EYS: variants seen among roughly 807,000 people sequenced by gnomAD.
EYS encodes EGF-like photoreceptor maintenance factor, also known as protein eyes shut homolog.
EYS carries 250 observed loss-of-function variants against 282.1 expected under a neutral mutation model. The ratio of observed to expected loss-of-function variants is 0.89; its 90% CI spans 0.80 to 0.98. EYS has a LOEUF of 0.98. Ranked by LOEUF, EYS falls within the 50% of genes least tolerant of loss-of-function variation. EYS has a pLI of 0.00. For missense variants in EYS, 4,016 were observed against 3,709.0 expected (o/e 1.08, Z -2.15); for synonymous variants, 1,355 against 1,282.9 (o/e 1.06, Z -1.20).
intron 1 of EYS, among the ~76,000 whole-genome samples, chr6:65,701,653 T>C (rs1324214224): frequency 6.6e-6 from 1 of 152,208 alleles, no homozygotes; most frequent in Non-Finnish European, 1.5e-5. Flanking sequence ...TATTATTTTC[T>C]TCCTTATTTA....
At chr6:63,727,727 A>ATATATATATATATATATAT (rs1253035778) in intron 41 of EYS, among the ~76,000 whole-genome samples, 1 of 61,676 alleles carries the variant, frequency 1.6e-5, no homozygotes, top group African/African-American at 1.3e-4. Context: ...AAAAAAAAAA[A>ATATATATATATATATATAT]AAAAAAAAAA....
chr6:64,387,208 A>G (rs184494649), intron 29 of EYS, among the ~76,000 whole-genome samples: 28 of 152,244 alleles, frequency 1.8e-4, no homozygotes, highest in Middle Eastern at 3.4e-3. Context: ...GTCTACAATG[A>G]CAGCCTACAT....
intron 7 of EYS, among the ~76,000 whole-genome samples, chr6:65,389,459 T>G (rs892985039): frequency 1.3e-5 from 2 of 152,132 alleles, no homozygotes; most frequent in Non-Finnish European, 2.9e-5. Context: ...AAATATTAGC[T>G]TTTTTGATGA....
At chr6:64,330,709 T>C (rs1456109540) in intron 29 of EYS, among the ~76,000 whole-genome samples, 1 of 152,194 alleles carries the variant, frequency 6.6e-6, no homozygotes, top group Admixed American at 6.5e-5. Context: ...GGACAAAGGT[T>C]AATAATTTGC....
intron 35 of EYS, among the ~76,000 whole-genome samples, chr6:63,915,769 A>G (rs572529391): frequency 1.4e-4 from 21 of 152,318 alleles, no homozygotes; most frequent in African/African-American, 4.8e-4. Context: ...CAGTGGAGGA[A>G]GTAATTGCAG....
chr6:65,608,438 T>G (rs1415725412), intron 2 of EYS, among the ~76,000 whole-genome samples: 2 of 152,040 alleles, frequency 1.3e-5, no homozygotes, highest in Non-Finnish European at 2.9e-5. Context: ...TGTGGAGGCC[T>G]AGGATGTTAC....
intron 12 of EYS, among the ~76,000 whole-genome samples, chr6:65,260,576 G>A (rs1358769921): frequency 6.6e-6 from 1 of 151,694 alleles, no homozygotes; most frequent in East Asian, 1.9e-4. Flanking sequence ...CATTATCACT[G>A]CCTCTTGTAG....
chr6:65,435,876 G>A lies in EYS; in HGVS notation c.863-30509C>T, dbSNP rs148171983. Among the ~76,000 whole-genome samples the A allele has an allele frequency of 7.0e-3, 1,058 of 152,226 alleles. 8 individuals are homozygous for A. The highest frequency in any genetic ancestry group is 9.7e-3 in the Non-Finnish European group (663 of 68,010). On this transcript the variant is annotated intron_variant, in intron 5 of 42. Transcript: ENST00000503581. ...TTAGGACATAGAGGCACAGAGGGAA[G>A]ACCATGTGAGGACACAAGATGGCCA...
intron 15 of EYS, among the ~76,000 whole-genome samples, chr6:64,942,632 T>C (rs1341391122): frequency 6.6e-6 from 1 of 151,590 alleles, no homozygotes; most frequent in African/African-American, 2.4e-5. Context: ...AATGGGTAAA[T>C]ACCTGGTAAC....
chr6:63,981,883 C>A (rs1047568687), intron 35 of EYS, among the ~76,000 whole-genome samples: 13 of 151,756 alleles, frequency 8.6e-5, no homozygotes, highest in African/African-American at 2.7e-4. Flanking sequence ...TTTACAATTA[C>A]CTTGGCTCTT....
chr6:65,208,740 C>A (rs1766098396), intron 12 of EYS, among the ~76,000 whole-genome samples: 1 of 134,988 alleles, frequency 7.4e-6, no homozygotes. Flanking sequence ...TGAGTGGGAG[C>A]TAAACAATGG....
chr6:64,252,667 C>T (rs1055295750), intron 30 of EYS, among the ~76,000 whole-genome samples: 2 of 152,176 alleles, frequency 1.3e-5, no homozygotes, highest in African/African-American at 2.4e-5. Context: ...ACTTGCTCTT[C>T]TCTGCTTTGT....
At chr6:64,850,588 A>T (rs1012180367) in intron 19 of EYS, among the ~76,000 whole-genome samples, 3 of 152,110 alleles carry the variant, frequency 2.0e-5, no homozygotes, top group Non-Finnish European at 4.4e-5. Context: ...ACTGAAAATT[A>T]TTCAAAAAGT....
At chr6:64,656,985 G>A (rs1264006978) in intron 22 of EYS, among the ~76,000 whole-genome samples, 1 of 152,282 alleles carries the variant, frequency 6.6e-6, no homozygotes, top group East Asian at 1.9e-4. Flanking sequence ...TTGTGTGGGA[G>A]TCTAAGTCTC....
intron 22 of EYS, 90 bp from the exon 23 acceptor site, chr6:64,626,335 T>A: frequency 6.9e-7 from 1 of 1,441,396 alleles, no homozygotes; most frequent in Non-Finnish European, 9.1e-7. Flanking sequence ...TTCAAACGTG[T>A]TTTCAGAGCT....
intron 25 of EYS, among the ~76,000 whole-genome samples, chr6:64,592,663 C>A (rs73455456): frequency 1.6e-3 from 249 of 152,074 alleles, no homozygotes; most frequent in African/African-American, 5.8e-3. Context: ...AAGAATTGGA[C>A]ATGTAAAAAA....
intron 7 of EYS, among the ~76,000 whole-genome samples, chr6:65,393,685 A>G (rs980950826): frequency 6.6e-6 from 1 of 151,996 alleles, no homozygotes; most frequent in Non-Finnish European, 1.5e-5. Flanking sequence ...GAAAACCTTA[A>G]CTTTACCCAT....
chr6:65,611,035 G>A (rs1765980825), intron 2 of EYS, among the ~76,000 whole-genome samples: 3 of 151,832 alleles, frequency 2.0e-5, no homozygotes, highest in Admixed American at 2.0e-4. Context: ...ATGCTTAAAT[G>A]GCCTGTTGAC....
chr6:65,357,206 T>C (rs1764519435), intron 8 of EYS, among the ~76,000 whole-genome samples: 1 of 152,014 alleles, frequency 6.6e-6, no homozygotes, highest in South Asian at 2.1e-4. Context: ...TCTTTTTGTA[T>C]ATTTACAAAA....
Sources: gnomAD v4.1 joint callset for allele counts (sites outside exome capture counted in the v4.1 genomes callset) on GRCh38, gnomAD v4.1.1 for gene constraint, MANE v1.5 for transcripts, NCBI Gene and HGNC (gene_info 2026-07-23, HGNC 2026-07-21) for gene names.